The following PHACTR2 variants were observed in gnomAD, a reference collection of about 807,000 sequenced individuals.
PHACTR2 encodes the protein phosphatase and actin regulator 2.
Under a neutral mutation model 76.0 loss-of-function variants are expected in PHACTR2, and 30 were observed. That is an observed-to-expected ratio of 0.39 (90% confidence interval 0.30 to 0.54). The LOEUF (loss-of-function observed/expected upper bound fraction) is 0.54. Ranked by LOEUF, PHACTR2 falls within the 20% of genes least tolerant of loss-of-function variation. The pLI is 0.61. For synonymous variants in PHACTR2, 292 were observed against 292.5 expected (o/e 1.00, Z 0.02); for missense variants, 696 against 781.1 (o/e 0.89, Z 1.30).
At chr6:143,735,572 C>T (rs569403725) in intron 2 of PHACTR2, among the ~76,000 whole-genome samples, 11 of 152,094 alleles carry the variant, frequency 7.2e-5, no homozygotes, top group Admixed American at 7.2e-4. Context: ...AACTCTGTGC[C>T]CATTCAACAA....
intron 11 of PHACTR2, among the ~76,000 whole-genome samples, chr6:143,798,403 CT>C (rs1775874952): frequency 6.6e-6 from 1 of 152,130 alleles, no homozygotes; most frequent in African/African-American, 2.4e-5. Flanking sequence ...TTTCTCTTGC[CT>C]GATTGCCCTG....
Position 143,820,708 on chromosome 6 carries a change from G to C in PHACTR2, c.1923-2966G>C, listed in dbSNP as rs1185131086. Among the ~76,000 whole-genome samples the C allele has an allele frequency of 6.6e-6, 1 of 152,206 alleles. No individual in the cohort carries two copies. The highest frequency in any genetic ancestry group is 1.5e-5 in the Non-Finnish European group (1 of 68,042). On this transcript the variant is annotated intron_variant, in intron 12 of 12. Transcript: ENST00000440869. This position sits in a 1 kb window ranked among gnomAD's most constrained non-coding sequence, Gnocchi z 4.2. The stretch of plus-strand genomic sequence containing the variant: ...AGTGGATCTACCATTCTGGGGTCTG[G>C]AGGACAGTGACTTCCTTTTCACAGT...
At chr6:143,786,804 G>T (rs1406884202) in intron 10 of PHACTR2, among the ~76,000 whole-genome samples, 2 of 152,140 alleles carry the variant, frequency 1.3e-5, no homozygotes, top group African/African-American at 4.8e-5. Context: ...GGAAAGACCA[G>T]CCCCCATGAT....
At chr6:143,630,430 T>G (rs1776344497) in intron 1 of PHACTR2, among the ~76,000 whole-genome samples, 1 of 151,928 alleles carries the variant, frequency 6.6e-6, no homozygotes, top group South Asian at 2.1e-4. Flanking sequence ...TTTATCCAAA[T>G]TGTATTATTA....
At chr6:143,607,699 G>T (rs1775899602), upstream of PHACTR2, among the ~76,000 whole-genome samples, 1 of 152,136 alleles carries the variant, frequency 6.6e-6, no homozygotes, top group Non-Finnish European at 1.5e-5. Context: ...TTGGAACAGA[G>T]ATATTAAAGA....
rs190131949 is a variant in PHACTR2, at chr6:143,700,181, A to G, written c.47-11835A>G. On this transcript the variant is annotated intron_variant, in intron 1 of 12. Transcript: ENST00000440869. This position sits in a 1 kb window ranked among gnomAD's most constrained non-coding sequence, Gnocchi z 4.1. The stretch of plus-strand genomic sequence containing the variant: ...TCTAGATTTAATGTGTTATTTTAAT[A>G]ATATTTGTGTTACATTCATCCTCAA... Among the ~76,000 whole-genome samples, 384 of 152,312 alleles carry G rather than the reference A, an allele frequency of 2.5e-3. 2 individuals are homozygous for G. Among genetic ancestry groups the G allele is most frequent in the African/African-American group, 8.0e-3 (331 of 41,556 alleles).
chr6:143,566,358 A>G (rs1775362310), intron 1 of PHACTR2, among the ~76,000 whole-genome samples: 1 of 151,470 alleles, frequency 6.6e-6, no homozygotes, highest in African/African-American at 2.4e-5. Context: ...CAGTGGTACA[A>G]TCGTAGCTCA....
intron 1 of PHACTR2, among the ~76,000 whole-genome samples, chr6:143,706,754 T>G (rs77576407): frequency 0.023 from 3,530 of 152,258 alleles, 127 homozygotes; most frequent in African/African-American, 0.079. Flanking sequence ...AGCAAGAGAG[T>G]AAGGAACTCC....
rs1438483481 is a variant in PHACTR2 at position 143,709,827 on chromosome 6, G to C, written c.47-2189G>C. Among the ~76,000 whole-genome samples, 1 of 152,108 alleles carries C rather than the reference G, an allele frequency of 6.6e-6. No individual in the cohort carries two copies. The highest frequency in any genetic ancestry group is 1.5e-5 in the Non-Finnish European group (1 of 68,014). ...GGGAGAGATACCCAGTTATTGCTGG[G>C]TAGGGCTGGATGTCACGGCTTCCTA... On this transcript the variant is annotated intron_variant, in intron 1 of 12. Coordinates refer to ENST00000440869, the MANE Select transcript of PHACTR2 (RefSeq NM_001100164.2). The surrounding 1 kb of genome is among the most constrained non-coding windows in gnomAD (Gnocchi z 4.4).
In PHACTR2 at chr6:143,696,827, G is replaced by A. The variant is rs145315822; in HGVS notation, c.47-15189G>A. ...AAGTGTCAGCCCTCTCTCCACTTGT[G>A]TTTGCTCCCCTTAGGGTACTGTTCT... On this transcript the variant is annotated intron_variant, in intron 1 of 12. Transcript: ENST00000440869. This position sits in a 1 kb window ranked among gnomAD's most constrained non-coding sequence, Gnocchi z 4.1. Among the ~76,000 whole-genome samples the A allele has an allele frequency of 5.3e-5, 8 of 152,290 alleles. 1 individual carries two copies. The highest frequency in any genetic ancestry group is 1.9e-4 in the African/African-American group (8 of 41,552).
At chr6:143,613,537 G>A (rs538278454) in intron 1 of PHACTR2, among the ~76,000 whole-genome samples, 2 of 152,284 alleles carry the variant, frequency 1.3e-5, no homozygotes, top group East Asian at 3.9e-4. Context: ...GCAGAAGCAG[G>A]ACAAAGTCTT....
chr6:143,611,688 A>G lies in PHACTR2; in HGVS notation c.13+3366A>G, dbSNP rs1775977322. Among the ~76,000 whole-genome samples the G allele has an allele frequency of 6.6e-6, 1 of 152,250 alleles. No individual in the cohort carries two copies. Among genetic ancestry groups the G allele is most frequent in the Non-Finnish European group, 1.5e-5 (1 of 68,044 alleles). On this transcript the variant is annotated intron_variant, in intron 1 of 11. Transcript: ENST00000305766. The surrounding 1 kb of genome is among the most constrained non-coding windows in gnomAD (Gnocchi z 4.4). ...TGGCGTTTTAGAGAGTCATCAAAAGATTGAAGCAGGTTGCTTTATGAACAA... is the reference window on the plus strand; with the variant it reads ...TGGCGTTTTAGAGAGTCATCAAAAGGTTGAAGCAGGTTGCTTTATGAACAA...
chr6:143,701,028 C>T lies in PHACTR2; in HGVS notation c.47-10988C>T, dbSNP rs559617194. ...TTTATTTACATTAAAATTGATTTTT[C>T]CATTAGCAAAGTGGCCCTTTGCCTA... On this transcript the variant is annotated intron_variant, in intron 1 of 12. Coordinates refer to ENST00000440869, the MANE Select transcript of PHACTR2 (RefSeq NM_001100164.2). Among the ~76,000 whole-genome samples, 4 of 152,338 alleles carry T rather than the reference C, an allele frequency of 2.6e-5. No individual in the cohort carries two copies. In the South Asian group the frequency reaches 8.3e-4, roughly 32 times the overall value.
intron 1 of PHACTR2, among the ~76,000 whole-genome samples, chr6:143,584,223 G>T (rs991774995): frequency 6.6e-6 from 1 of 152,196 alleles, no homozygotes; most frequent in African/African-American, 2.4e-5. Flanking sequence ...GGCTGTGGTT[G>T]TACTTTTGGA....
At position 143,624,337 on chromosome 6, in the gene PHACTR2, C is replaced by T. The variant is rs1776215988; in HGVS notation, c.13+16015C>T. 6.6e-6 allele frequency among the ~76,000 whole-genome samples: 1 copy of T among 152,128 alleles called. No individual in the cohort carries two copies. Among genetic ancestry groups the T allele is most frequent in the Non-Finnish European group, 1.5e-5 (1 of 68,026 alleles). On this transcript the variant is annotated intron_variant, in intron 1 of 11. Transcript: ENST00000305766. The surrounding 1 kb of genome is among the most constrained non-coding windows in gnomAD (Gnocchi z 4.6). ...GGCCAGGCTGGTCTCGAACTCCTGA[C>T]CTCAGGTGATCCACCCACCTTGGCC...
chr6:143,693,802 A>G (rs184687917), intron 1 of PHACTR2, among the ~76,000 whole-genome samples: 1 of 152,326 alleles, frequency 6.6e-6, no homozygotes, highest in East Asian at 1.9e-4. Flanking sequence ...TAGGCAGTAC[A>G]CTTAGGAAGT....
intron 2 of PHACTR2, among the ~76,000 whole-genome samples, chr6:143,741,453 A>G (rs976172448): frequency 8.5e-5 from 13 of 152,212 alleles, no homozygotes; most frequent in African/African-American, 3.1e-4. Flanking sequence ...AGATGGCCCC[A>G]CTGTACTCCA....
chr6:143,661,509 T>A (rs1242447148), intron 1 of PHACTR2, among the ~76,000 whole-genome samples: 1 of 151,768 alleles, frequency 6.6e-6, no homozygotes, highest in African/African-American at 2.4e-5. Flanking sequence ...AAAAAGCTTT[T>A]AGGTAAAGAT....
Position 143,653,010 on chromosome 6 carries a change from C to T in PHACTR2, c.13+44688C>T, listed in dbSNP as rs911827388. Among the ~76,000 whole-genome samples the T allele has an allele frequency of 1.3e-5, 2 of 152,322 alleles. No individual in the cohort carries two copies. The highest frequency in any genetic ancestry group is 6.5e-5 in the Admixed American group (1 of 15,306). The stretch of plus-strand genomic sequence containing the variant: ...GAAAAGCACCAGGTGTTCCCAGCAG[C>T]GCTCTCTTTCACCCTTGCAAGCTGC... On this transcript the variant is annotated intron_variant, in intron 1 of 11. Transcript: ENST00000305766. This position sits in a 1 kb window ranked among gnomAD's most constrained non-coding sequence, Gnocchi z 4.9.
Sources: allele counts gnomAD v4.1 joint callset (sites outside exome capture counted in the v4.1 genomes callset), GRCh38; gene constraint gnomAD v4.1.1; non-coding constraint Gnocchi (gnomAD v3.1); transcripts MANE v1.5; gene names NCBI Gene and HGNC (gene_info 2026-07-23, HGNC 2026-07-21).